The following ADAMTS19 variants were observed in gnomAD, a reference collection of about 807,000 sequenced individuals.
ADAMTS19 encodes ADAM metallopeptidase with thrombospondin type 1 motif 19.
ADAMTS19 carries 93 observed loss-of-function variants against 153.3 expected under a neutral mutation model. That is an observed-to-expected ratio of 0.61 (90% CI 0.51 to 0.72). ADAMTS19 has a LOEUF of 0.72. Ranked by LOEUF, ADAMTS19 falls within the 30% of genes least tolerant of loss-of-function variation. ADAMTS19 has a pLI of 0.00. For synonymous variants in ADAMTS19, 600 were observed against 556.6 expected (o/e 1.08, Z -1.10); for missense variants, 1,482 against 1,552.1 (o/e 0.95, Z 0.76).
chr5:129,620,739 G>T lies in ADAMTS19; in HGVS notation c.1600G>T (p.Asp534Tyr), dbSNP rs776323182. Reference sequence around the variant, plus strand: ...TTCATGGTCTCGATGTAGCAAGGAAGATTTGGAAAGATTTCTCAGGTATGG... The same window carrying T: ...TTCATGGTCTCGATGTAGCAAGGAATATTTGGAAAGATTTCTCAGGTATGG... ...DVSWSRCSKE[D>Y]LERFLRSKAS... is the part of the protein sequence containing the mutation. Residue 534 changes from aspartate to tyrosine, a missense_variant, in exon 9 of 23, where the codon GAT becomes TAT. This residue lies in a region of ADAMTS19 where 866 missense variants were observed against 827.7 expected (regional missense o/e 1.05). Transcript: ENST00000274487. The T allele has an allele frequency of 6.8e-6, 11 of 1,612,514 alleles. No individual in the cohort carries two copies. The South Asian group carries it at 9.9e-5, about 15-fold the overall frequency.
chr5:129,562,362 C>T (rs1468029900), intron 7 of ADAMTS19, among the ~76,000 whole-genome samples: 2 of 152,180 alleles, frequency 1.3e-5, no homozygotes, highest in African/African-American at 4.8e-5. Flanking sequence ...TCATGGTACC[C>T]CTCCTGGGAG....
rs746615348 is a variant in ADAMTS19, at chr5:129,701,423, C to T, written c.2990C>T (p.Thr997Ile). 1 of 1,614,060 alleles carries T rather than the reference C, an allele frequency of 6.2e-7. No individual in the cohort carries two copies. The highest frequency in any genetic ancestry group is 1.3e-5 in the African/African-American group (1 of 74,908). The change falls in exon 20 of 23, where the codon ACT becomes ATT. Residue 997 changes from threonine (T) to isoleucine (I), a missense_variant. Coordinates refer to ENST00000274487, the MANE Select transcript of ADAMTS19 (RefSeq NM_133638.6). ...MMTEWTPCSR[T>I]CGKGMQSRQV... ...ACAGAATGGACCCCTTGTTCACGAA[C>T]TTGTGGAAAAGGAATGCAGAGCAGA...
intron 3 of ADAMTS19, among the ~76,000 whole-genome samples, chr5:129,523,619 T>C (rs972084990): frequency 1.3e-5 from 2 of 152,142 alleles, no homozygotes; most frequent in African/African-American, 2.4e-5. Flanking sequence ...ATCGCAAATT[T>C]ATTATTGAAG....
chr5:129,513,963 A>G (rs756389426), intron 3 of ADAMTS19, among the ~76,000 whole-genome samples: 1 of 151,996 alleles, frequency 6.6e-6, no homozygotes, highest in Non-Finnish European at 1.5e-5. Flanking sequence ...GCCTCTGCTA[A>G]CCATCCTTCT....
chr5:129,519,064 G>C (rs1016955589), intron 3 of ADAMTS19, among the ~76,000 whole-genome samples: 3 of 152,018 alleles, frequency 2.0e-5, no homozygotes, highest in Admixed American at 6.6e-5. Context: ...AAGTTCACTT[G>C]GTGTTCTATC....
intron 6 of ADAMTS19, among the ~76,000 whole-genome samples, chr5:129,539,615 T>C (rs552331933): frequency 2.0e-5 from 3 of 152,228 alleles, no homozygotes; most frequent in South Asian, 2.1e-4. Context: ...TGACATACTA[T>C]ATATTGCATA....
At chr5:129,681,492 G>A (rs916624318) in intron 17 of ADAMTS19, among the ~76,000 whole-genome samples, 3 of 151,984 alleles carry the variant, frequency 2.0e-5, no homozygotes, top group Admixed American at 1.3e-4. Flanking sequence ...GTTCATTATA[G>A]CATTTAATCC....
In ADAMTS19 at chr5:129,460,324, C is replaced by A; in HGVS notation, c.-68C>A. The A allele has an allele frequency of 7.0e-7, 1 of 1,420,192 alleles. No individual in the cohort carries two copies. The highest frequency in any genetic ancestry group is 9.8e-7 in the Non-Finnish European group (1 of 1,021,942). 88.0% of individuals were successfully genotyped at this position (1,420,192 alleles called of 1,614,324 possible). A position where few individuals can be genotyped will look rare whatever the true frequency, so the allele number is the denominator to read the frequency against. ...GCCTCCTAGCGCTCCGGGGAGGCCGCTGCGCCCCGGAGTGGATCGCGCTGG... is the reference window on the plus strand; with the variant it reads ...GCCTCCTAGCGCTCCGGGGAGGCCGATGCGCCCCGGAGTGGATCGCGCTGG... On this transcript the variant is annotated 5_prime_UTR_variant, in exon 1 of 23. The change creates a new upstream start codon in the 5' untranslated region. Coordinates refer to ENST00000274487, the MANE Select transcript of ADAMTS19 (RefSeq NM_133638.6).
chr5:129,507,447 G>A (rs955246186), intron 2 of ADAMTS19, among the ~76,000 whole-genome samples: 1 of 151,794 alleles, frequency 6.6e-6, no homozygotes, highest in Non-Finnish European at 1.5e-5. Context: ...AAAAACTGCT[G>A]GATTTGATGT....
At chr5:129,613,053 T>C (rs1751312800) in intron 8 of ADAMTS19, among the ~76,000 whole-genome samples, 1 of 152,130 alleles carries the variant, frequency 6.6e-6, no homozygotes, top group Non-Finnish European at 1.5e-5. Context: ...CTTAGAGACC[T>C]ACAAAGAGAC....
intron 16 of ADAMTS19, among the ~76,000 whole-genome samples, chr5:129,668,257 A>C (rs1754140044): frequency 6.6e-6 from 1 of 152,218 alleles, no homozygotes; most frequent in Non-Finnish European, 1.5e-5. Context: ...TGGATAATTC[A>C]GGATAATCTC....
chr5:129,737,001 G>T, intron 22 of ADAMTS19, 66 bp from the exon 23 acceptor site: 3 of 1,395,490 alleles, frequency 2.1e-6, no homozygotes, highest in Non-Finnish European at 2.8e-6. Flanking sequence ...TTAAACGCTT[G>T]AAGTTGGTTT....
At chr5:129,717,732 C>A (rs549302610) in intron 21 of ADAMTS19, among the ~76,000 whole-genome samples, 3 of 152,232 alleles carry the variant, frequency 2.0e-5, no homozygotes, top group Non-Finnish European at 2.9e-5. Context: ...AGAATTTTCT[C>A]CTGAATTGGC....
At chr5:129,610,964 T>A (rs898047486) in intron 8 of ADAMTS19, among the ~76,000 whole-genome samples, 2 of 152,190 alleles carry the variant, frequency 1.3e-5, no homozygotes, top group African/African-American at 4.8e-5. Flanking sequence ...GTTCCCTGAC[T>A]TTTTAATGAT....
intron 16 of ADAMTS19, among the ~76,000 whole-genome samples, chr5:129,672,187 CTT>C (rs997630057): frequency 2.0e-5 from 3 of 152,088 alleles, no homozygotes; most frequent in Non-Finnish European, 4.4e-5. Context: ...TCTTGGGACT[CTT>C]ATAAGAACAC....
intron 2 of ADAMTS19, among the ~76,000 whole-genome samples, chr5:129,469,755 A>G (rs1749998709): frequency 6.6e-6 from 1 of 152,186 alleles, no homozygotes; most frequent in Admixed American, 6.5e-5. Context: ...TCAACTTTTT[A>G]TCCTTTTAGA....
intron 8 of ADAMTS19, among the ~76,000 whole-genome samples, chr5:129,605,704 T>C (rs1002333367): frequency 4.6e-5 from 7 of 152,210 alleles, no homozygotes; most frequent in Admixed American, 1.3e-4. Flanking sequence ...TAGCCATTTA[T>C]AACTTATGCT....
chr5:129,726,403 T>C (rs546247121), intron 21 of ADAMTS19, among the ~76,000 whole-genome samples: 6 of 152,294 alleles, frequency 3.9e-5, no homozygotes, highest in Non-Finnish European at 7.4e-5. Flanking sequence ...CAAATTGATG[T>C]TGACATTTTA....
Position 129,538,025 on chromosome 5 carries a change from T to C in ADAMTS19, c.1328+9348T>C, listed in dbSNP as rs139501135. 4.9e-3 allele frequency among the ~76,000 whole-genome samples: 750 copies of C among 152,166 alleles called. 5 individuals carry two copies. The highest frequency in any genetic ancestry group is 7.0e-3 in the Non-Finnish European group (474 of 67,972). ...TTTGCATGGATGGAGAGGGGACTTA[T>C]AAGGTTTGAGGTGAGTCTAGGTTAA... On this transcript the variant is annotated intron_variant, in intron 6 of 22. Coordinates refer to ENST00000274487, the MANE Select transcript of ADAMTS19 (RefSeq NM_133638.6).
Sources: allele counts gnomAD v4.1 joint callset (sites outside exome capture counted in the v4.1 genomes callset), GRCh38; gene constraint gnomAD v4.1.1; regional missense constraint gnomAD v4.1.1; transcripts MANE v1.5; gene names NCBI Gene and HGNC (gene_info 2026-07-23, HGNC 2026-07-21).